WASHC2C: variants seen among roughly 807,000 people sequenced by gnomAD.
WASHC2C encodes the protein Vaccinia Penetration Factor.
In WASHC2C, 73 loss-of-function variants were observed where a neutral mutation model predicts 142.2. The observed-to-expected ratio is 0.51, with a 90% confidence interval of 0.43 to 0.62. The LOEUF (loss-of-function observed/expected upper bound fraction) is 0.62. Among genes scored for constraint, WASHC2C ranks in the 20% least tolerant of loss-of-function variants. WASHC2C has a pLI of 0.00. For missense variants in WASHC2C, 969 were observed against 1,531.7 expected (o/e 0.63, Z 6.13); for synonymous variants, 337 against 565.5 (o/e 0.60, Z 5.73).
chr10:45,744,567 T>A (rs2052570500), intron 6 of WASHC2C, among the ~76,000 whole-genome samples: 1 of 152,142 alleles, frequency 6.6e-6, no homozygotes, highest in South Asian at 2.1e-4. Flanking sequence ...TTGCTTTTTA[T>A]GACCCTGACA....
intron 3 of WASHC2C, among the ~76,000 whole-genome samples, chr10:45,734,336 T>C (rs2050954864): frequency 6.6e-6 from 1 of 151,552 alleles, no homozygotes; most frequent in South Asian, 2.1e-4. Context: ...TCTTGTTTTT[T>C]AACTTTAACC....
At chr10:45,758,352 AAC>A (rs2054590056) in intron 16 of WASHC2C, among the ~76,000 whole-genome samples, 1 of 152,160 alleles carries the variant, frequency 6.6e-6, no homozygotes, top group Admixed American at 6.5e-5. Context: ...GTGATAGTTG[AAC>A]ACAGTGTGAA....
At chr10:45,785,466 C>T (rs781997436) in intron 25 of WASHC2C, 43 bp from the exon 26 acceptor site, 9 of 1,607,544 alleles carry the variant, frequency 5.6e-6, no homozygotes, top group Non-Finnish European at 6.8e-6. Flanking sequence ...CTTAAAACTT[C>T]TAAGATATTT....
At chr10:45,787,936 T>G (rs1470700710) in intron 28 of WASHC2C, among the ~76,000 whole-genome samples, 1 of 152,238 alleles carries the variant, frequency 6.6e-6, no homozygotes, top group East Asian at 1.9e-4. Context: ...TCATTGTAGT[T>G]GGGTTTCTTG....
At chr10:45,776,055 T>C (rs144724061) in intron 21 of WASHC2C, among the ~76,000 whole-genome samples, 274 of 152,312 alleles carry the variant, frequency 1.8e-3, no homozygotes, top group African/African-American at 6.2e-3. Context: ...CACTTCAGTG[T>C]TGCCTTATCT....
rs184377807 is a variant in WASHC2C at position 45,741,427 on chromosome 10, C to T, written c.528+1181C>T. On this transcript the variant is annotated intron_variant, in intron 5 of 30. Coordinates refer to ENST00000623400, the MANE Select transcript of WASHC2C (RefSeq NM_001330074.2). ...TGGGAAATGGATTGCCTGGACCACA[C>T]TTGATACTTCCAAGACACACAGCAC... 1.1e-3 allele frequency among the ~76,000 whole-genome samples: 169 copies of T among 151,190 alleles called. 2 individuals carry two copies. In the East Asian group the frequency reaches 0.029, roughly 26 times the overall value.
intron 8 of WASHC2C, among the ~76,000 whole-genome samples, chr10:45,747,750 C>T (rs1278052452): frequency 6.7e-6 from 1 of 150,184 alleles, no homozygotes; most frequent in Non-Finnish European, 1.5e-5. Context: ...TGGCACCATG[C>T]CCGGCTAATT....
intron 28 of WASHC2C, among the ~76,000 whole-genome samples, 169 bp downstream of exon 28, chr10:45,787,416 C>G (rs1220348915): frequency 6.7e-6 from 1 of 149,936 alleles, no homozygotes; most frequent in Non-Finnish European, 1.5e-5. Flanking sequence ...CCCCCCTCAT[C>G]CTGCACCTGC....
At chr10:45,738,668 T>A (rs1379414273) in intron 4 of WASHC2C, among the ~76,000 whole-genome samples, 3 of 152,118 alleles carry the variant, frequency 2.0e-5, no homozygotes, top group Non-Finnish European at 2.9e-5. Context: ...GTTGCCAGCA[T>A]TTTTTTAAAA....
At chr10:45,769,169 G>A (rs566315318) in intron 19 of WASHC2C, among the ~76,000 whole-genome samples, 1 of 152,032 alleles carries the variant, frequency 6.6e-6, no homozygotes, top group South Asian at 2.1e-4. Context: ...CCAGGCTGGA[G>A]TGCAGTGGCA....
At chr10:45,749,724 G>A (rs2053301091) in intron 8 of WASHC2C, among the ~76,000 whole-genome samples, 1 of 149,716 alleles carries the variant, frequency 6.7e-6, no homozygotes, top group Non-Finnish European at 1.5e-5. Context: ...TACTCGGAAG[G>A]CCGAGGCAGG....
At chr10:45,758,686 C>G (rs2054647361) in intron 16 of WASHC2C, among the ~76,000 whole-genome samples, 1 of 150,998 alleles carries the variant, frequency 6.6e-6, no homozygotes, top group Non-Finnish European at 1.5e-5. Context: ...CAGCTCACTG[C>G]AGCCTCAACC....
chr10:45,792,210 T>C, intron 30 of WASHC2C, 51 bp from the exon 31 acceptor site: 1 of 1,561,192 alleles, frequency 6.4e-7, no homozygotes, highest in East Asian at 2.2e-5. Context: ...GTCTTAAAAG[T>C]ACCTTTCTCC....
At chr10:45,745,539 TC>T in intron 7 of WASHC2C, among the ~76,000 whole-genome samples, 1 of 151,170 alleles carries the variant, frequency 6.6e-6, no homozygotes, top group Non-Finnish European at 1.5e-5. Context: ...TTCTGGTTGG[TC>T]CCCCTTTCTG....
At chr10:45,749,836 A>AAAAAAAATATATATAT (rs1227809519) in intron 8 of WASHC2C, among the ~76,000 whole-genome samples, 11 of 101,768 alleles carry the variant, frequency 1.1e-4, no homozygotes, top group African/African-American at 4.4e-4. Flanking sequence ...AAAAAAAAAA[A>AAAAAAAATATATATAT]ATATATATAT....
Position 45,788,963 on chromosome 10 carries a change from C to G in WASHC2C, c.3180C>G (p.Ser1060Arg). 1 of 1,612,046 alleles carries G rather than the reference C, an allele frequency of 6.2e-7. No homozygotes were observed. The highest frequency in any genetic ancestry group is 8.5e-7 in the Non-Finnish European group (1 of 1,179,874). The change falls in exon 29 of 31, where the codon AGC becomes AGG. Residue 1060 changes from serine to arginine, a missense_variant. Transcript: ENST00000623400. ...AGTCCAGCGAGGCTGAGGACATGAG[C>G]GTCCCCAGAGGACCCATTGCACAGT... ...AQESSEAEDMSVPRGPIAQWA... is the reference protein window; with the variant it reads ...AQESSEAEDMRVPRGPIAQWA...
At chr10:45,742,685 C>T (rs2052260895) in intron 5 of WASHC2C, among the ~76,000 whole-genome samples, 1 of 152,088 alleles carries the variant, frequency 6.6e-6, no homozygotes, top group Non-Finnish European at 1.5e-5. Context: ...GGGGACAGCT[C>T]ACCAGAATGT....
intron 8 of WASHC2C, among the ~76,000 whole-genome samples, chr10:45,746,926 A>G (rs1158242634): frequency 1.3e-5 from 2 of 152,186 alleles, no homozygotes; most frequent in Non-Finnish European, 2.9e-5. Flanking sequence ...CAGTTACCCA[A>G]ACTGAACTAC....
intron 23 of WASHC2C, among the ~76,000 whole-genome samples, chr10:45,784,285 T>TATAC (rs1554889005): frequency 6.6e-4 from 5 of 7,606 alleles, no homozygotes; most frequent in East Asian, 0.013. Flanking sequence ...TATATATATA[T>TATAC]ATATACACAT....
Sources: gnomAD v4.1 joint callset for allele counts (sites outside exome capture counted in the v4.1 genomes callset) on GRCh38, gnomAD v4.1.1 for gene constraint, MANE v1.5 for transcripts, NCBI Gene and HGNC (gene_info 2026-07-23, HGNC 2026-07-21) for gene names.